The following ABCD4 variants were observed in gnomAD, a reference collection of about 807,000 sequenced individuals.
ABCD4 encodes ATP binding cassette subfamily D member 4, also known as lysosomal cobalamin transporter ABCD4.
Under a neutral mutation model 86.3 loss-of-function variants are expected in ABCD4, and 53 were observed. That is an observed-to-expected ratio of 0.61 (90% CI 0.49 to 0.77). The LOEUF is 0.77. Ranked by LOEUF, ABCD4 falls within the 30% of genes least tolerant of loss-of-function variation. The pLI is 0.00. For synonymous variants in ABCD4, 328 were observed against 313.6 expected, an observed-to-expected ratio of 1.05 and a Z score of -0.49; for missense variants, 757 against 764.5, an observed-to-expected ratio of 0.99 and a Z score of 0.12.
intron 11 of ABCD4, among the ~76,000 whole-genome samples, chr14:74,291,232 G>A (rs560556729): frequency 1.3e-5 from 2 of 152,268 alleles, no homozygotes; most frequent in East Asian, 1.9e-4. Flanking sequence ...TAAGCCAGCC[G>A]GTTTGTGGTT....
chr14:74,295,063 G>A, intron 7 of ABCD4, 85 bp downstream of exon 7: 3 of 1,520,024 alleles, frequency 2.0e-6, no homozygotes, highest in Non-Finnish European at 2.7e-6. Flanking sequence ...TGAGCTCGGT[G>A]GTGGTGGGAG....
chr14:74,290,459 A>G lies in ABCD4; in HGVS notation c.1159T>C (p.Phe387Leu), dbSNP rs1445230902. ...WPAAEPADTA[F>L]LLERVSISAP... ...GAGATGGAGACCCGCTCAAGGAGAA[A>G]TGCTGTGTCTGCTGGCTCTGCCGCT... Residue 387 changes from phenylalanine (F) to leucine (L), a missense_variant, in exon 12 of 19, where the codon TTT becomes CTT. By Grantham distance (22) the Phe-to-Leu change is conservative. Coordinates refer to ENST00000356924, the MANE Select transcript of ABCD4 (RefSeq NM_005050.4). 6.2e-7 allele frequency: 1 copy of G among 1,613,996 alleles called. No homozygotes were observed. The highest frequency in any genetic ancestry group is 1.1e-5 in the South Asian group (1 of 91,074).
At chr14:74,292,674 T>A in intron 9 of ABCD4, 32 bp from the exon 10 acceptor site, 1 of 1,613,954 alleles carries the variant, frequency 6.2e-7, no homozygotes, top group Non-Finnish European at 8.5e-7. Flanking sequence ...CAAGCAGGTC[T>A]CGACTCGAGC....
In ABCD4 at chr14:74,286,349, G is replaced by T; in HGVS notation, c.*112C>A. 8.4e-7 allele frequency: 1 copy of T among 1,183,740 alleles called. No individual in the cohort carries two copies. Among genetic ancestry groups the T allele is most frequent in the Non-Finnish European group, 1.2e-6 (1 of 805,138 alleles). 73.3% of individuals were successfully genotyped at this position (1,183,740 alleles called of 1,614,324 possible). ...CCTGCACAGGACCCATGTGGCTCCT[G>T]CACGGGATCTATGTGGCGAACCTGA... On this transcript the variant is annotated 3_prime_UTR_variant, in exon 19 of 19. Coordinates refer to ENST00000356924, the MANE Select transcript of ABCD4 (RefSeq NM_005050.4).
chr14:74,286,565 C>G, intron 18 of ABCD4, 36 bp from the exon 19 acceptor site: 1 of 1,612,744 alleles, frequency 6.2e-7, no homozygotes, highest in Non-Finnish European at 8.5e-7. Flanking sequence ...GATCAGGCTG[C>G]CCTGGCCGCT....
At chr14:74,294,888 CATTT>C in intron 7 of ABCD4, 1 of 522,592 alleles carries the variant, frequency 1.9e-6, no homozygotes, top group Non-Finnish European at 3.4e-6. Flanking sequence ...GGCATTCATT[CATTT>C]GACAATTTCA....
Position 74,287,791 on chromosome 14 carries a change from C to A in ABCD4, c.1636+19G>T. The A allele has an allele frequency of 1.2e-6, 2 of 1,603,624 alleles. No individual in the cohort carries two copies. Among genetic ancestry groups the A allele is most frequent in the South Asian group, 1.1e-5 (1 of 89,246 alleles). On this transcript the variant is annotated intron_variant, in intron 17 of 18. Transcript: ENST00000356924. ...TGCAGACAGCGCATGGCATGTGCAG[C>A]CACAAGGCGAGACCTCACCTGCGTA...
At position 74,287,799 on chromosome 14, in the gene ABCD4, C is replaced by T. The variant is rs191057710; in HGVS notation, c.1636+11G>A. 9.3e-6 allele frequency: 15 copies of T among 1,606,870 alleles called. No homozygotes were observed. The highest frequency in any genetic ancestry group is 5.4e-5 in the African/African-American group (4 of 74,676). ...GCGCATGGCATGTGCAGCCACAAGGCGAGACCTCACCTGCGTACTTCGGCT... is the reference window on the plus strand; with the variant it reads ...GCGCATGGCATGTGCAGCCACAAGGTGAGACCTCACCTGCGTACTTCGGCT... On this transcript the variant is annotated intron_variant, in intron 17 of 18. Coordinates refer to ENST00000356924, the MANE Select transcript of ABCD4 (RefSeq NM_005050.4).
intron 1 of ABCD4, among the ~76,000 whole-genome samples, chr14:74,301,447 A>G (rs1278845969): frequency 1.6e-5 from 2 of 126,018 alleles, no homozygotes; most frequent in Non-Finnish European, 3.2e-5. Context: ...GGTGTGAGCC[A>G]CCGGGCATGG....
At chr14:74,290,261 G>A (rs2081123730) in intron 12 of ABCD4, 30 bp downstream of exon 12, 1 of 1,613,834 alleles carries the variant, frequency 6.2e-7, no homozygotes, top group East Asian at 2.2e-5. Context: ...GCCCAGGCTG[G>A]GTCAGAGGCA....
Position 74,286,805 on chromosome 14 carries a change from C to T in ABCD4, c.1648G>A (p.Ala550Thr). The T allele has an allele frequency of 2.5e-6, 4 of 1,614,006 alleles. No homozygotes were observed. The highest frequency in any genetic ancestry group is 3.4e-6 in the Non-Finnish European group (4 of 1,180,020). Residue 550 changes from alanine (A) to threonine (T), a missense_variant, in exon 18 of 19, where the codon GCC becomes ACC. By Grantham distance (58) the Ala-to-Thr change is moderately conservative. Coordinates refer to ENST00000356924, the MANE Select transcript of ABCD4 (RefSeq NM_005050.4). Reference sequence around the variant, plus strand: ...ACTTCCTCTGTCAGGGCACTGGTGGCTTCATCAAGCACTGAGGGGGCAGAG... The same window carrying T: ...ACTTCCTCTGTCAGGGCACTGGTGGTTTCATCAAGCACTGAGGGGGCAGAG... ...LQPKYAVLDE[A>T]TSALTEEVES...
intron 3 of ABCD4, chr14:74,299,297 C>T: frequency 2.4e-6 from 1 of 419,570 alleles, no homozygotes; most frequent in South Asian, 2.5e-5. Context: ...ATCAGTTCTG[C>T]TAAATGCTGA....
Position 74,300,199 on chromosome 14 carries a change from T to C in ABCD4, c.108A>G (p.Ser36=). Residue 36 remains serine (S), a synonymous_variant, in exon 2 of 19, where the codon TCA becomes TCG. Transcript: ENST00000356924. The part of the protein sequence containing the change: ...QILKVLFPSW[S]SQNALMFLTL... Reference sequence around the variant, plus strand: ...TCAGGAACATCAAGGCATTTTGTGATGACCAAGAAGGAAACAAAACCTTCA... The same window carrying C: ...TCAGGAACATCAAGGCATTTTGTGACGACCAAGAAGGAAACAAAACCTTCA... The C allele has an allele frequency of 6.2e-7, 1 of 1,613,774 alleles. No homozygotes were observed. The highest frequency in any genetic ancestry group is 1.3e-5 in the African/African-American group (1 of 74,922).
At chr14:74,287,551 C>CAAAAAAAAAAAAAAAAAAAA (rs67310859) in intron 17 of ABCD4, among the ~76,000 whole-genome samples, 1 of 107,344 alleles carries the variant, frequency 9.3e-6, no homozygotes, top group Non-Finnish European at 1.9e-5. Context: ...GAGACTGTCT[C>CAAAAAAAAAAAAAAAAAAAA]AAAAAAAAAA....
chr14:74,296,763 G>A (rs764409197), intron 4 of ABCD4: 1 of 280,898 alleles, frequency 3.6e-6, no homozygotes, highest in Non-Finnish European at 6.7e-6. Flanking sequence ...GAAGGTAGAT[G>A]AGCTGTTTTG....
At chr14:74,295,407 C>G (rs1358075774) in intron 6 of ABCD4, among the ~76,000 whole-genome samples, 2 of 152,188 alleles carry the variant, frequency 1.3e-5, no homozygotes, top group African/African-American at 4.8e-5. Context: ...ACAGGGCTGC[C>G]CCTCAGCTTT....
intron 17 of ABCD4, 56 bp from the exon 18 acceptor site, chr14:74,286,872 C>T: frequency 6.6e-7 from 1 of 1,523,562 alleles, no homozygotes; most frequent in Admixed American, 1.8e-5. Flanking sequence ...GCCGCCGCTG[C>T]TTCTCCTCCC....
intron 3 of ABCD4, among the ~76,000 whole-genome samples, chr14:74,298,555 G>A (rs1037213821): frequency 2.0e-5 from 3 of 152,196 alleles, no homozygotes; most frequent in African/African-American, 7.2e-5. Flanking sequence ...ACAGGCGTGA[G>A]CCACTGTACC....
Position 74,292,337 on chromosome 14 carries a change from C to T in ABCD4, c.1068G>A (p.Leu356=), listed in dbSNP as rs78307423. The part of the protein sequence containing the change: ...QLRETLLDMS[L]KSQDCEILGE... ...CCAGGATCTCGCAGTCCTGTGACTTCAGGGACATGTCCAGAAGCGTCTCCC... is the reference window on the plus strand; with the variant it reads ...CCAGGATCTCGCAGTCCTGTGACTTTAGGGACATGTCCAGAAGCGTCTCCC... Residue 356 remains leucine (L), a synonymous_variant, in exon 11 of 19, where the codon CTG becomes CTA. Transcript: ENST00000356924. 1 of 1,614,154 alleles carries T rather than the reference C, an allele frequency of 6.2e-7. No individual in the cohort carries two copies. The highest frequency in any genetic ancestry group is 1.3e-5 in the African/African-American group (1 of 75,050).
Sources: allele counts gnomAD v4.1 joint callset (sites outside exome capture counted in the v4.1 genomes callset), GRCh38; gene constraint gnomAD v4.1.1; transcripts MANE v1.5; gene names NCBI Gene and HGNC (gene_info 2026-07-23, HGNC 2026-07-21).